NEB: variants seen among roughly 807,000 people sequenced by gnomAD.
The protein encoded by NEB is nemaline myopathy type 2.
Under a neutral mutation model 952.2 loss-of-function variants are expected in NEB, and 512 were observed. The ratio of observed to expected loss-of-function variants is 0.54; its 90% CI spans 0.50 to 0.58. The LOEUF (loss-of-function observed/expected upper bound fraction) is 0.58. NEB is among the 20% of genes least tolerant of loss of function. NEB has a pLI of 0.00. For synonymous variants in NEB, 2,900 were observed against 3,149.8 expected (o/e 0.92, Z 2.66); for missense variants, 8,428 against 9,231.1 (o/e 0.91, Z 3.56).
At chr2:151,716,162 C>T in intron 10 of NEB, 2 of 430,942 alleles carry the variant, frequency 4.6e-6, no homozygotes, top group Non-Finnish European at 4.6e-6. Context: ...CTTTTTGAGA[C>T]AGTTTCACAC....
chr2:151,508,078 A>T lies in NEB; in HGVS notation c.23378T>A (p.Met7793Lys). The T allele has an allele frequency of 1.2e-6, 2 of 1,609,832 alleles. No homozygotes were observed. Among genetic ancestry groups the T allele is most frequent in the Non-Finnish European group, 1.7e-6 (2 of 1,177,810 alleles). The change falls in exon 162 of 182, where the codon ATG becomes AAG. Residue 7793 changes from methionine (M) to lysine (K), a missense_variant. Coordinates refer to ENST00000397345, the MANE Select transcript of NEB (RefSeq NM_001164508.2). ...GTCCAAAACAGTCTCATAATACGAC[A>T]TGGACTTCTCAGCATCTTCCTTGTA... ...KKYKEDAEKS[M>K]SYYETVLDTP...
intron 69 of NEB, 78 bp downstream of exon 69, chr2:151,627,445 C>T: frequency 6.4e-7 from 1 of 1,556,898 alleles, no homozygotes. Flanking sequence ...GAAGGTTCTA[C>T]CTAATGCTAG....
At chr2:151,520,298 C>T (rs1222646434) in intron 153 of NEB, among the ~76,000 whole-genome samples, 3 of 152,102 alleles carry the variant, frequency 2.0e-5, no homozygotes, top group Non-Finnish European at 4.4e-5. Context: ...AATGGTATAA[C>T]TCCTGAGTAA....
At chr2:151,565,657 C>T in intron 115 of NEB, 52 bp from the exon 116 acceptor site, 1 of 1,565,090 alleles carries the variant, frequency 6.4e-7, no homozygotes, top group Non-Finnish European at 8.8e-7. Flanking sequence ...AGGTTATCTA[C>T]CCCAACATGG....
At chr2:151,617,602 A>G (rs573541651) in intron 74 of NEB, 134 bp from the exon 75 acceptor site, 1 of 541,762 alleles carries the variant, frequency 1.8e-6, no homozygotes, top group African/African-American at 1.9e-5. Context: ...AGCTGCATAA[A>G]TTCCTTACCT....
chr2:151,671,504 C>T (rs1345390078), intron 37 of NEB: 1 of 368,958 alleles, frequency 2.7e-6, no homozygotes, highest in Non-Finnish European at 4.9e-6. Flanking sequence ...TTGGTACTTT[C>T]TATAATGGTT....
intron 181 of NEB, among the ~76,000 whole-genome samples, chr2:151,487,438 C>T (rs2051721837): frequency 6.6e-6 from 1 of 152,170 alleles, no homozygotes; most frequent in Non-Finnish European, 1.5e-5. Flanking sequence ...AAATAGATTT[C>T]CTTTCCCCTT....
intron 142 of NEB, among the ~76,000 whole-genome samples, chr2:151,535,116 A>C (rs1219277121): frequency 6.6e-6 from 1 of 152,246 alleles, no homozygotes; most frequent in Non-Finnish European, 1.5e-5. Context: ...AATTTAACTT[A>C]AATTATTGCA....
chr2:151,691,417 T>C lies in NEB; in HGVS notation c.2211+447A>G, dbSNP rs115395951. On this transcript the variant is annotated intron_variant, in intron 23 of 181. Coordinates refer to ENST00000397345, the MANE Select transcript of NEB (RefSeq NM_001164508.2). ...TATCATCATCCTGTATTAGTTTCCT[T>C]ATTATTGCTTGATATCTTTCTTATT... 1.8e-3 allele frequency among the ~76,000 whole-genome samples: 272 copies of C among 152,284 alleles called. 2 individuals carry two copies. The highest frequency in any genetic ancestry group is 6.1e-3 in the African/African-American group (252 of 41,554).
At chr2:151,491,349 A>T (rs2056495682) in intron 179 of NEB, 1 of 217,264 alleles carries the variant, frequency 4.6e-6, no homozygotes. Flanking sequence ...AAGTTCCTAC[A>T]GGTCAAATCC....
intron 181 of NEB, among the ~76,000 whole-genome samples, 174 bp from the exon 182 acceptor site, chr2:151,486,107 C>A (rs528886615): frequency 6.6e-6 from 1 of 152,108 alleles, no homozygotes; most frequent in African/African-American, 2.4e-5. Flanking sequence ...ACTTGCAAGT[C>A]ATGTATCTGA....
At chr2:151,636,363 C>T in intron 63 of NEB, 29 bp from the exon 64 acceptor site, 1 of 1,533,308 alleles carries the variant, frequency 6.5e-7, no homozygotes, top group South Asian at 1.1e-5. Context: ...AAATCAGATG[C>T]TGACATTTAT....
chr2:151,684,123 A>G (rs2099462920), intron 28 of NEB, among the ~76,000 whole-genome samples: 1 of 152,200 alleles, frequency 6.6e-6, no homozygotes, highest in African/African-American at 2.4e-5. Flanking sequence ...GAAGATGAAA[A>G]GGCTCTGCAG....
intron 25 of NEB, 118 bp downstream of exon 25, chr2:151,688,174 C>G: frequency 1.2e-6 from 1 of 817,358 alleles, no homozygotes; most frequent in East Asian, 2.7e-5. Flanking sequence ...GCTCCACTTA[C>G]AAAGTAACCA....
chr2:151,679,959 G>A lies in NEB; in HGVS notation c.3106C>T (p.Gln1036Ter). 6.2e-7 allele frequency: 1 copy of A among 1,613,854 alleles called. No individual in the cohort carries two copies. Among genetic ancestry groups the A allele is most frequent in the Non-Finnish European group, 8.5e-7 (1 of 1,179,730 alleles). Residue 1036 changes from glutamine (Q) to a stop codon, truncating the protein, a stop_gained, in exon 31 of 182, where the codon CAG (glutamine) becomes TAG (stop). Transcript: ENST00000397345. LOFTEE classifies it high-confidence loss of function. ...HKYNLPPDLPQFIQAKVNAYN... is the reference protein window; with the variant it reads ...HKYNLPPDLP ...GCATTAACTTTAGCCTGGATGAACT[G>A]GGGCAGGTCTGGTGGCAGGTTGTAT...
chr2:151,515,548 G>A (rs2077274148), intron 157 of NEB, among the ~76,000 whole-genome samples: 1 of 152,084 alleles, frequency 6.6e-6, no homozygotes, highest in Non-Finnish European at 1.5e-5. Flanking sequence ...AATAGCTTAG[G>A]TGGGCAGTGA....
intron 124 of NEB, among the ~76,000 whole-genome samples, chr2:151,559,489 C>G (rs2095878650): frequency 6.6e-6 from 1 of 152,162 alleles, no homozygotes; most frequent in African/African-American, 2.4e-5. Flanking sequence ...GACACATGCA[C>G]ACGTATGTTT....
chr2:151,547,673 C>A lies in NEB; in HGVS notation c.20223G>T (p.Glu6741Asp). ...DKIHTTPDTPEIRQVKKTQEA... is the reference protein window; with the variant it reads ...DKIHTTPDTPDIRQVKKTQEA... ...CTTGTGTCTTCTTGACTTGGCGGAT[C>A]TCAGGGGTATCGGGAGTTGTATGGA... The change falls in exon 132 of 182, where the codon GAG (glutamate) becomes GAT (aspartate). Residue 6741 changes from glutamate to aspartate, a missense_variant. Coordinates refer to ENST00000397345, the MANE Select transcript of NEB (RefSeq NM_001164508.2). 1 of 1,613,808 alleles carries A rather than the reference C, an allele frequency of 6.2e-7. No individual in the cohort carries two copies. The highest frequency in any genetic ancestry group is 8.5e-7 in the Non-Finnish European group (1 of 1,179,836).
At chr2:151,673,890 T>A (rs1229851626) in intron 36 of NEB, among the ~76,000 whole-genome samples, 1 of 151,912 alleles carries the variant, frequency 6.6e-6, no homozygotes, top group Non-Finnish European at 1.5e-5. Context: ...CCCGCCACCA[T>A]TCGATCTCCT....
Sources: allele counts gnomAD v4.1 joint callset (sites outside exome capture counted in the v4.1 genomes callset), GRCh38; gene constraint gnomAD v4.1.1; transcripts MANE v1.5; gene names NCBI Gene and HGNC (gene_info 2026-07-23, HGNC 2026-07-21).